The following RAP1A variants were observed in gnomAD, a reference collection of about 807,000 sequenced individuals.
RAP1A encodes the protein ras-related protein Rap-1A.
RAP1A carries 6 observed loss-of-function variants against 26.4 expected under a neutral mutation model. The observed-to-expected ratio is 0.23, with a 90% CI of 0.12 to 0.45. The LOEUF is 0.45. Among genes scored for constraint, RAP1A ranks in the 20% least tolerant of loss-of-function variants. RAP1A has a pLI of 0.99. For synonymous variants in RAP1A, 73 were observed against 79.4 expected (o/e 0.92, Z 0.43); for missense variants, 121 against 217.2 (o/e 0.56, Z 2.78).
At chr1:111,549,798 A>G (rs1016620444) in intron 1 of RAP1A, among the ~76,000 whole-genome samples, 4 of 152,070 alleles carry the variant, frequency 2.6e-5, no homozygotes, top group Admixed American at 1.3e-4. Flanking sequence ...ACAGGTGCAC[A>G]CCACCATGCT....
In RAP1A at chr1:111,674,792, C is replaced by T. The variant is rs565737600; in HGVS notation, c.-27-16542C>T. 9.2e-5 allele frequency among the ~76,000 whole-genome samples: 14 copies of T among 152,256 alleles called. No homozygotes were observed. In the South Asian group the frequency reaches 2.9e-3, roughly 32 times the overall value. On this transcript the variant is annotated intron_variant, in intron 1 of 7. Transcript: ENST00000369709. Reference sequence around the variant, plus strand: ...CCTGTCAGTTTTATCCTCAGAAAAGCATTGCCCCTCTTCAGCCCTATTGCT... The same window carrying T: ...CCTGTCAGTTTTATCCTCAGAAAAGTATTGCCCCTCTTCAGCCCTATTGCT...
chr1:111,666,114 A>G (rs1042883643), intron 1 of RAP1A, among the ~76,000 whole-genome samples: 1 of 152,226 alleles, frequency 6.6e-6, no homozygotes, highest in Non-Finnish European at 1.5e-5. Flanking sequence ...GAGACAAAGC[A>G]TACAGGAAAG....
chr1:111,570,552 T>G (rs1331652036), intron 1 of RAP1A, among the ~76,000 whole-genome samples: 1 of 152,118 alleles, frequency 6.6e-6, no homozygotes, highest in African/African-American at 2.4e-5. Flanking sequence ...GTGTCCCTCT[T>G]AGTCCATTTT....
At chr1:111,584,828 A>G (rs1298292646) in intron 1 of RAP1A, among the ~76,000 whole-genome samples, 1 of 152,178 alleles carries the variant, frequency 6.6e-6, no homozygotes, top group Non-Finnish European at 1.5e-5. Context: ...AAATAAACCC[A>G]CAAATATGAG....
At chr1:111,634,700 A>G (rs145046404) in intron 1 of RAP1A, among the ~76,000 whole-genome samples, 1 of 151,792 alleles carries the variant, frequency 6.6e-6, no homozygotes, top group African/African-American at 2.4e-5. Context: ...GCTGGAGTGC[A>G]GTGGTGTGAT....
chr1:111,646,420 T>TAAAA (rs34766711), intron 1 of RAP1A, among the ~76,000 whole-genome samples: 3 of 107,002 alleles, frequency 2.8e-5, no homozygotes, highest in East Asian at 2.5e-4. Context: ...TTCCTTTTTG[T>TAAAA]AAAAAAAAAA....
chr1:111,647,526 G>T (rs1032479931), intron 1 of RAP1A, among the ~76,000 whole-genome samples: 1 of 152,170 alleles, frequency 6.6e-6, no homozygotes, highest in African/African-American at 2.4e-5. Flanking sequence ...GGGGATCGCT[G>T]CCTTAAATTA....
chr1:111,624,887 CTT>C (rs1469868596), intron 1 of RAP1A, among the ~76,000 whole-genome samples: 1 of 151,894 alleles, frequency 6.6e-6, no homozygotes, highest in Non-Finnish European at 1.5e-5. Context: ...GCACTAATGA[CTT>C]ATTTACTTAG....
At chr1:111,644,140 A>G (rs1331743445) in intron 1 of RAP1A, among the ~76,000 whole-genome samples, 1 of 152,206 alleles carries the variant, frequency 6.6e-6, no homozygotes, top group Non-Finnish European at 1.5e-5. Flanking sequence ...ACTGGGTACT[A>G]TAGTCTAGCC....
At chr1:111,573,392 A>T (rs1409363035) in intron 1 of RAP1A, among the ~76,000 whole-genome samples, 1 of 152,096 alleles carries the variant, frequency 6.6e-6, no homozygotes, top group Admixed American at 6.6e-5. Flanking sequence ...TAACCTCACC[A>T]GCATCTGTTA....
At chr1:111,648,321 A>T in intron 1 of RAP1A, 1 of 923,854 alleles carries the variant, frequency 1.1e-6, no homozygotes, top group Non-Finnish European at 1.7e-6. Context: ...TTGGTCTCAG[A>T]TACCACTTTG....
intron 1 of RAP1A, among the ~76,000 whole-genome samples, chr1:111,639,092 G>GACTTAC (rs10647321): frequency 2.0e-5 from 3 of 152,026 alleles, no homozygotes; most frequent in African/African-American, 7.2e-5. Flanking sequence ...AAGTATTTTG[G>GACTTAC]ACTCTTTCTG....
chr1:111,664,896 A>G (rs1276347206), intron 1 of RAP1A, among the ~76,000 whole-genome samples: 2 of 152,220 alleles, frequency 1.3e-5, no homozygotes, highest in Admixed American at 6.5e-5. Context: ...AATGTTTGCC[A>G]TTACTATTGT....
intron 1 of RAP1A, among the ~76,000 whole-genome samples, chr1:111,685,512 CAT>C (rs1425022211): frequency 1.3e-4 from 20 of 151,960 alleles, no homozygotes; most frequent in East Asian, 5.8e-4. Flanking sequence ...AGCCAACAAA[CAT>C]ATGAAAAAAA....
At chr1:111,644,508 G>A (rs753452785) in intron 1 of RAP1A, among the ~76,000 whole-genome samples, 6 of 152,158 alleles carry the variant, frequency 3.9e-5, no homozygotes, top group Non-Finnish European at 8.8e-5. Context: ...CCCTTGCCCA[G>A]TGAAAGGTGG....
chr1:111,691,372 C>T lies in RAP1A; in HGVS notation c.12C>T (p.Tyr4=). Residue 4 remains tyrosine, a synonymous_variant, in exon 2 of 8, where the codon TAC becomes TAT. Transcript: ENST00000369709. MRE[Y]KLVVLGSGGV... ...AAACAGATCACATCATGCGTGAGTA[C>T]AAGCTAGTGGTCCTTGGTTCAGGAG... is the stretch of plus-strand genomic sequence containing the variant. 1.9e-6 allele frequency: 3 copies of T among 1,613,556 alleles called. No individual in the cohort carries two copies. Among genetic ancestry groups the T allele is most frequent in the Non-Finnish European group, 2.5e-6 (3 of 1,179,570 alleles).
intron 1 of RAP1A, among the ~76,000 whole-genome samples, chr1:111,596,971 A>C (rs1658574584): frequency 6.6e-6 from 1 of 152,254 alleles, no homozygotes; most frequent in African/African-American, 2.4e-5. Flanking sequence ...TGAATGAATA[A>C]ATAAATGAAA....
chr1:111,563,918 T>G (rs1657846107), intron 1 of RAP1A: 1 of 1,613,838 alleles, frequency 6.2e-7, no homozygotes, highest in African/African-American at 1.3e-5. Context: ...CCTGGCCTCC[T>G]TCTGCTCAAT....
intron 4 of RAP1A, among the ~76,000 whole-genome samples, chr1:111,698,811 C>T (rs1661921210): frequency 6.6e-6 from 1 of 152,126 alleles, no homozygotes; most frequent in Non-Finnish European, 1.5e-5. Flanking sequence ...TCTGAAACTA[C>T]ATTTTCTATC....
Sources: gnomAD v4.1 joint callset for allele counts (sites outside exome capture counted in the v4.1 genomes callset) on GRCh38, gnomAD v4.1.1 for gene constraint, MANE v1.5 for transcripts, NCBI Gene and HGNC (gene_info 2026-07-23, HGNC 2026-07-21) for gene names.